Variants in ZNF528 observed in about 807,000 individuals in gnomAD.
The protein encoded by ZNF528 is zinc finger protein 528.
Under a neutral mutation model 13.3 loss-of-function variants are expected in ZNF528, and 9 were observed. The observed-to-expected ratio is 0.67, with a 90% CI of 0.41 to 1.18. ZNF528 has a LOEUF of 1.18. ZNF528 is among the 50% of genes most tolerant of loss of function. ZNF528 has a pLI of 0.01. For synonymous variants in ZNF528, 264 were observed against 254.3 expected, an observed-to-expected ratio of 1.04 and a Z score of -0.36; for missense variants, 858 against 745.4, an observed-to-expected ratio of 1.15 and a Z score of -1.76.
At chr19:52,410,496 G>A (rs557308722) in intron 6 of ZNF528, among the ~76,000 whole-genome samples, 2 of 152,274 alleles carry the variant, frequency 1.3e-5, no homozygotes, top group Admixed American at 6.5e-5. Flanking sequence ...GGCGGTAGGC[G>A]CAGTCATGAG....
chr19:52,399,754 A>G (rs938369523), intron 2 of ZNF528, among the ~76,000 whole-genome samples: 11 of 152,180 alleles, frequency 7.2e-5, no homozygotes, highest in African/African-American at 2.7e-4. Context: ...AGTGAACACA[A>G]TAAAGAGCGC....
rs779913472 is a variant in ZNF528, at chr19:52,416,469, T to G, written c.1617T>G (p.His539Gln). ...VFNQASYLTR[H>Q]QIIHTGERPY... ...ATCAAGCATCATACCTTACAAGACA[T>G]CAAATAATTCATACTGGAGAGAGGC... Residue 539 changes from histidine to glutamine, a missense_variant, in exon 7 of 7, where the codon CAT becomes CAG. By Grantham distance (24) the His-to-Gln change is conservative. Transcript: ENST00000360465. 3.1e-6 allele frequency: 5 copies of G among 1,614,144 alleles called. No individual in the cohort carries two copies. Among genetic ancestry groups the G allele is most frequent in the Non-Finnish European group, 4.2e-6 (5 of 1,180,032 alleles).
At chr19:52,411,423 G>T (rs1256293587) in intron 6 of ZNF528, 1 of 152,170 alleles carries the variant, frequency 6.6e-6, no homozygotes, top group Admixed American at 6.6e-5. Context: ...TGCACCCATT[G>T]GTTTAATTTG....
At chr19:52,404,117 TGGG>T (rs2058827343) in intron 4 of ZNF528, among the ~76,000 whole-genome samples, 1 of 152,202 alleles carries the variant, frequency 6.6e-6, no homozygotes, top group Non-Finnish European at 1.5e-5. Context: ...TCCAGACACC[TGGG>T]ATCCCATGCT....
At position 52,415,883 on chromosome 19, in the gene ZNF528, A is replaced by G. The variant is rs1405714079; in HGVS notation, c.1031A>G (p.Gln344Arg). The change falls in exon 7 of 7, where the codon CAA (glutamine) becomes CGA (arginine). Residue 344 changes from glutamine (Q) to arginine (R), a missense_variant. Physicochemically the swap from Gln to Arg is conservative, Grantham distance 43. Transcript: ENST00000360465. The part of the protein sequence containing the change: ...FSRHSYLAEH[Q>R]TVHTGEKPYK... ...CGCCATTCATATCTAGCAGAACATC[A>G]AACGGTTCATACTGGTGAGAAACCT... 1 of 1,613,926 alleles carries G rather than the reference A, an allele frequency of 6.2e-7. No homozygotes were observed.
intron 6 of ZNF528, chr19:52,414,388 G>T: frequency 1.4e-6 from 1 of 693,516 alleles, no homozygotes; most frequent in South Asian, 1.5e-5. Context: ...TGGAAGAAGG[G>T]GTCAGGGGGC....
intron 3 of ZNF528, 37 bp from the exon 4 acceptor site, chr19:52,401,910 G>T: frequency 1.3e-6 from 2 of 1,598,280 alleles, no homozygotes; most frequent in South Asian, 2.2e-5. Context: ...GAGGTATGTT[G>T]ATTCTAAGCC....
chr19:52,413,942 C>T (rs2058964642), intron 6 of ZNF528: 1 of 390,292 alleles, frequency 2.6e-6, no homozygotes, highest in Admixed American at 3.9e-5. Context: ...ATGGGCCATG[C>T]ATCATAATCT....
At chr19:52,400,195 C>T (rs908298286) in intron 2 of ZNF528, among the ~76,000 whole-genome samples, 3 of 149,910 alleles carry the variant, frequency 2.0e-5, no homozygotes, top group African/African-American at 7.5e-5. Flanking sequence ...TTATTTTGGT[C>T]AGCATACCCA....
intron 4 of ZNF528, among the ~76,000 whole-genome samples, chr19:52,404,344 C>T (rs1250015547): frequency 6.6e-6 from 1 of 152,108 alleles, no homozygotes; most frequent in Non-Finnish European, 1.5e-5. Flanking sequence ...TCTCCTGCCT[C>T]AGCCTCCCAA....
chr19:52,399,094 A>G (rs1477859492), intron 2 of ZNF528, among the ~76,000 whole-genome samples: 1 of 151,824 alleles, frequency 6.6e-6, no homozygotes, highest in Admixed American at 6.6e-5. Context: ...AGAGGGAAGA[A>G]TGGGACAAAG....
chr19:52,406,216 C>T (rs1398804155), intron 5 of ZNF528, among the ~76,000 whole-genome samples, 183 bp downstream of exon 5: 2 of 152,136 alleles, frequency 1.3e-5, no homozygotes, highest in African/African-American at 4.8e-5. Context: ...TATTCTCCTC[C>T]CTCCACAATT....
Position 52,415,125 on chromosome 19 carries a change from G to A in ZNF528, c.273G>A (p.Glu91=). Residue 91 remains glutamate, a splice_region_variant and synonymous_variant, in exon 7 of 7, where the codon GAG becomes GAA. Transcript: ENST00000360465. ...GRECIKGVNT[E]RSSKLGSNAG... ...TCCACTTTTTTCTTTCTGTTTTAGA[G>A]AGGAGCTCTAAATTGGGAAGTAATG... 1 of 1,609,506 alleles carries A rather than the reference G, an allele frequency of 6.2e-7. No individual in the cohort carries two copies. The highest frequency in any genetic ancestry group is 8.5e-7 in the Non-Finnish European group (1 of 1,177,710).
In ZNF528 at chr19:52,416,334, A is replaced by T. The variant is rs2059003933; in HGVS notation, c.1482A>T (p.Lys494Asn). 6.2e-7 allele frequency: 1 copy of T among 1,614,078 alleles called. No individual in the cohort carries two copies. Among genetic ancestry groups the T allele is most frequent in the Non-Finnish European group, 8.5e-7 (1 of 1,179,948 alleles). ...TTCATACTGGAGAGAAGCCTTACAAATGTAACAGATGTGGCAAGGTCTTCA... is the reference window on the plus strand; with the variant it reads ...TTCATACTGGAGAGAAGCCTTACAATTGTAACAGATGTGGCAAGGTCTTCA... ...HRIHTGEKPY[K>N]CNRCGKVFSR... Residue 494 changes from lysine to asparagine, a missense_variant, in exon 7 of 7, where the codon AAA becomes AAT. Coordinates refer to ENST00000360465, the MANE Select transcript of ZNF528 (RefSeq NM_032423.3).
intron 6 of ZNF528, among the ~76,000 whole-genome samples, chr19:52,407,784 T>A (rs1407762822): frequency 2.6e-5 from 4 of 152,010 alleles, no homozygotes; most frequent in African/African-American, 4.8e-5. Flanking sequence ...TCAAAAAAAA[T>A]AAAAATGCAT....
intron 6 of ZNF528, among the ~76,000 whole-genome samples, chr19:52,408,942 T>G (rs1189614748): frequency 1.3e-5 from 2 of 152,222 alleles, no homozygotes; most frequent in African/African-American, 4.8e-5. Context: ...AATGCTCGTT[T>G]TAGCATTTCT....
At chr19:52,402,386 C>A in intron 4 of ZNF528, 2 of 315,208 alleles carry the variant, frequency 6.3e-6, no homozygotes, top group Non-Finnish European at 1.2e-5. Flanking sequence ...AGCTGCACGT[C>A]AAAGTTCCTT....
In ZNF528 at chr19:52,405,090, A is replaced by G. The variant is rs547889888; in HGVS notation, c.16-817A>G. ...AAATTAGCTGGTCGTGGTGGCAGGCACCTGTAATCCCAGCTAGTTGGGAAG... is the reference window on the plus strand; with the variant it reads ...AAATTAGCTGGTCGTGGTGGCAGGCGCCTGTAATCCCAGCTAGTTGGGAAG... On this transcript the variant is annotated intron_variant, in intron 4 of 6. Coordinates refer to ENST00000360465, the MANE Select transcript of ZNF528 (RefSeq NM_032423.3). 2.6e-5 allele frequency among the ~76,000 whole-genome samples: 4 copies of G among 151,800 alleles called. No individual in the cohort carries two copies. The East Asian group carries it at 7.9e-4, about 30-fold the overall frequency.
chr19:52,401,598 T>C, intron 2 of ZNF528, 87 bp from the exon 3 acceptor site: 1 of 1,132,960 alleles, frequency 8.8e-7, no homozygotes, highest in African/African-American at 1.7e-5. Flanking sequence ...TTTGTATTTT[T>C]AAAATAAGTG....
Sources: allele counts gnomAD v4.1 joint callset (sites outside exome capture counted in the v4.1 genomes callset), GRCh38; gene constraint gnomAD v4.1.1; transcripts MANE v1.5; gene names NCBI Gene and HGNC (gene_info 2026-07-23, HGNC 2026-07-21).